The following ABCA13 variants were observed in gnomAD, a reference collection of about 807,000 sequenced individuals.
ABCA13 encodes ATP-binding cassette sub-family A member 13.
ABCA13 carries 476 observed loss-of-function variants against 478.7 expected under a neutral mutation model. The ratio of observed to expected loss-of-function variants is 0.99; its 90% CI spans 0.92 to 1.07. The LOEUF is 1.07. ABCA13 is among the 50% of genes least tolerant of loss of function. The pLI, the probability that ABCA13 is intolerant of heterozygous loss-of-function variation, is 0.00. For synonymous variants in ABCA13, 2,252 were observed against 2,158.9 expected, an observed-to-expected ratio of 1.04 and a Z score of -1.20; for missense variants, 6,060 against 5,910.6, an observed-to-expected ratio of 1.03 and a Z score of -0.83.
chr7:48,198,349 G>A lies in ABCA13; in HGVS notation c.276G>A (p.Glu92=), dbSNP rs1798220677. ...CRNFSYEGSM[E]HHFRLSRFQT... ...ACTTCAGCTATGAAGGGTCAATGGA[G>A]CATCATTTTCGGTAAGAGAAACACA... is the stretch of plus-strand genomic sequence containing the variant. Residue 92 remains glutamate (E), a synonymous_variant, in exon 3 of 62, where the codon GAG becomes GAA. Transcript: ENST00000435803. The A allele has an allele frequency of 1.9e-6, 3 of 1,613,386 alleles. No homozygotes were observed. Among genetic ancestry groups the A allele is most frequent in the Admixed American group, 1.7e-5 (1 of 59,932 alleles).
intron 32 of ABCA13, among the ~76,000 whole-genome samples, chr7:48,370,171 G>A (rs1812412022): frequency 6.6e-6 from 1 of 152,034 alleles, no homozygotes; most frequent in African/African-American, 2.4e-5. Flanking sequence ...AAGGGGTTGT[G>A]TTCTTGATTT....
chr7:48,239,369 T>C lies in ABCA13; in HGVS notation c.1026T>C (p.Leu342=). The stretch of plus-strand genomic sequence containing the variant: ...AGTGGTCAGAAGCCAAAAACTATCT[T>C]GTCCATGCAGTCAGCTGGCTGCGAG... ...HPKWSEAKNY[L]VHAVSWLRVY... is the part of the protein sequence containing the mutation. Residue 342 remains leucine, a synonymous_variant, in exon 9 of 62, where the codon CTT becomes CTC. Coordinates refer to ENST00000435803, the MANE Select transcript of ABCA13 (RefSeq NM_152701.5). 1.2e-6 allele frequency: 2 copies of C among 1,613,876 alleles called. No individual in the cohort carries two copies. Among genetic ancestry groups the C allele is most frequent in the Non-Finnish European group, 1.7e-6 (2 of 1,179,818 alleles).
intron 27 of ABCA13, among the ~76,000 whole-genome samples, chr7:48,321,133 C>T (rs1306581219): frequency 6.6e-6 from 1 of 152,122 alleles, no homozygotes; most frequent in Non-Finnish European, 1.5e-5. Flanking sequence ...CAACTGGGCA[C>T]ATGTGACAGT....
intron 39 of ABCA13, among the ~76,000 whole-genome samples, chr7:48,406,797 C>T (rs567636943): frequency 1.6e-4 from 25 of 152,104 alleles, no homozygotes; most frequent in South Asian, 6.2e-4. Flanking sequence ...CACTTGAACC[C>T]GGGAGGCAGA....
At chr7:48,480,543 C>A (rs7781150) in intron 45 of ABCA13, among the ~76,000 whole-genome samples, 17,775 of 152,250 alleles carry the variant, frequency 0.12, 1,271 homozygotes, top group Admixed American at 0.16. Flanking sequence ...TGTTGATCAC[C>A]TCCTCCTACC....
chr7:48,645,111 G>A (rs151089475), intron 61 of ABCA13, among the ~76,000 whole-genome samples: 58 of 152,120 alleles, frequency 3.8e-4, no homozygotes, highest in Admixed American at 1.4e-3. Flanking sequence ...AACAAAAAGC[G>A]TTTCATTTAC....
chr7:48,333,349 C>G (rs1232747051), intron 27 of ABCA13, among the ~76,000 whole-genome samples: 1 of 152,132 alleles, frequency 6.6e-6, no homozygotes, highest in Non-Finnish European at 1.5e-5. Flanking sequence ...TTGTTTGCTT[C>G]AAGACAATTT....
At chr7:48,203,973 C>T (rs979535615) in intron 3 of ABCA13, among the ~76,000 whole-genome samples, 1 of 152,148 alleles carries the variant, frequency 6.6e-6, no homozygotes, top group Non-Finnish European at 1.5e-5. Context: ...CTCAAACATG[C>T]CCAGACCCCC....
At chr7:48,562,865 G>A (rs761971412) in intron 55 of ABCA13, among the ~76,000 whole-genome samples, 1 of 151,744 alleles carries the variant, frequency 6.6e-6, no homozygotes, top group Non-Finnish European at 1.5e-5. Flanking sequence ...ATAAACATGT[G>A]GTATCATCCT....
Position 48,455,264 on chromosome 7 carries a change from CG to C in ABCA13, c.12796del (p.Ala4266ProfsTer33). 1.2e-6 allele frequency: 2 copies of C among 1,605,224 alleles called. No homozygotes were observed. Among genetic ancestry groups the C allele is most frequent in the Non-Finnish European group, 1.7e-6 (2 of 1,175,908 alleles). On this transcript the variant is annotated frameshift_variant, in exon 43 of 62. Transcript: ENST00000435803. LOFTEE classifies it high-confidence loss of function. ...PLRLTPGHYQ[R>X]AETYFFSSGG... ...CAGACTCACACCTGGACATTACCAG[CG>C]GGCCGAGACCTACTTTTTCAGGTAA...
At chr7:48,323,787 T>A (rs982022752) in intron 27 of ABCA13, among the ~76,000 whole-genome samples, 3 of 152,080 alleles carry the variant, frequency 2.0e-5, no homozygotes, top group Non-Finnish European at 4.4e-5. Flanking sequence ...ATTGCCATAA[T>A]CCCCACGTGT....
chr7:48,482,480 C>T lies in ABCA13; in HGVS notation c.13095-596C>T, dbSNP rs774854746. On this transcript the variant is annotated intron_variant, in intron 46 of 61. Coordinates refer to ENST00000435803, the MANE Select transcript of ABCA13 (RefSeq NM_152701.5). ...GTAACCTCCGCCTCCCAGGTTCAAG[C>T]GATTCTCTTGCCTCAGCCTCCTGAG... Among the ~76,000 whole-genome samples, 21 of 151,874 alleles carry T rather than the reference C, an allele frequency of 1.4e-4. 1 individual carries two copies. The highest frequency in any genetic ancestry group is 4.6e-4 in the Admixed American group (7 of 15,246).
chr7:48,256,616 C>T (rs998201852), intron 15 of ABCA13, among the ~76,000 whole-genome samples: 1 of 151,962 alleles, frequency 6.6e-6, no homozygotes, highest in Non-Finnish European at 1.5e-5. Flanking sequence ...AGGTGTGTGG[C>T]CTTACTTCTG....
chr7:48,543,686 G>T (rs1784558016), intron 55 of ABCA13, among the ~76,000 whole-genome samples: 1 of 151,600 alleles, frequency 6.6e-6, no homozygotes, highest in African/African-American at 2.4e-5. Context: ...AACACAATAT[G>T]AAAGTGAATG....
intron 42 of ABCA13, among the ~76,000 whole-genome samples, chr7:48,442,939 T>G (rs1471991401): frequency 6.6e-6 from 1 of 152,196 alleles, no homozygotes; most frequent in African/African-American, 2.4e-5. Context: ...TGTTGAAGTC[T>G]TAACCCTCAG....
chr7:48,498,580 A>G (rs970408261), intron 48 of ABCA13, among the ~76,000 whole-genome samples: 6 of 152,276 alleles, frequency 3.9e-5, no homozygotes, highest in African/African-American at 1.4e-4. Context: ...TATCTCTGAC[A>G]TATTAGCCAC....
chr7:48,249,358 C>G lies in ABCA13; in HGVS notation c.2005+7C>G. The G allele has an allele frequency of 6.2e-7, 1 of 1,612,060 alleles. No individual in the cohort carries two copies. Among genetic ancestry groups the G allele is most frequent in the Non-Finnish European group, 8.5e-7 (1 of 1,178,988 alleles). Reference sequence around the variant, plus strand: ...TTCCAGAACAGACTATTGGGTAAGTCAGTAGCCTAAACTACAGGAATGGGG... The same window carrying G: ...TTCCAGAACAGACTATTGGGTAAGTGAGTAGCCTAAACTACAGGAATGGGG... On this transcript the variant is annotated splice_region_variant and intron_variant, in intron 15 of 61. Transcript: ENST00000435803.
intron 55 of ABCA13, among the ~76,000 whole-genome samples, chr7:48,557,725 T>C (rs1785989334): frequency 1.3e-5 from 2 of 152,186 alleles, no homozygotes; most frequent in Admixed American, 6.5e-5. Context: ...GGTGCAAAAG[T>C]AATCACGGTT....
chr7:48,594,780 G>C lies in ABCA13; in HGVS notation c.14711G>C (p.Arg4904Pro), dbSNP rs764580692. The C allele has an allele frequency of 5.0e-5, 81 of 1,613,810 alleles. No homozygotes were observed. The Middle Eastern group carries it at 1.2e-3, about 23-fold the overall frequency. The change falls in exon 58 of 62, where the codon CGG (arginine) becomes CCG (proline). Residue 4904 changes from arginine to proline, a missense_variant. Arg to Pro is a moderately radical substitution (Grantham distance 103). Transcript: ENST00000435803. ...YLWQTIMKEV[R>P]EGCAAVLTSH... The stretch of plus-strand genomic sequence containing the variant: ...TGGCAAACAATAATGAAGGAGGTTC[G>C]GGAAGGCTGTGCTGCGGTGCTGACC...
Sources: allele counts gnomAD v4.1 joint callset (sites outside exome capture counted in the v4.1 genomes callset), GRCh38; gene constraint gnomAD v4.1.1; transcripts MANE v1.5; gene names NCBI Gene and HGNC (gene_info 2026-07-23, HGNC 2026-07-21).